Variants in FAT3 observed in about 807,000 individuals in gnomAD.
FAT3 encodes protocadherin Fat 3.
In FAT3, 95 loss-of-function variants were observed where a neutral mutation model predicts 310.2. The observed-to-expected ratio is 0.31, with a 90% CI of 0.26 to 0.36. The LOEUF (loss-of-function observed/expected upper bound fraction) is 0.36, where lower values mean the gene tolerates loss of function less well. Among genes scored for constraint, FAT3 ranks in the 10% least tolerant of loss-of-function variants. FAT3 has a pLI of 1.00. For synonymous variants in FAT3, 2,314 were observed against 2,192.9 expected (o/e 1.06, Z -1.54); for missense variants, 5,408 against 5,715.6 (o/e 0.95, Z 1.74).
chr11:92,640,145 C>T (rs1487298675), intron 3 of FAT3, among the ~76,000 whole-genome samples: 1 of 151,974 alleles, frequency 6.6e-6, no homozygotes, highest in African/African-American at 2.4e-5. Flanking sequence ...GAGGCTACAT[C>T]AGGGTCCTCT....
At chr11:92,719,299 G>A (rs1028774481) in intron 4 of FAT3, among the ~76,000 whole-genome samples, 1 of 152,196 alleles carries the variant, frequency 6.6e-6, no homozygotes, top group South Asian at 2.1e-4. Flanking sequence ...ACTGTAGGAG[G>A]TTCCCTTACC....
intron 2 of FAT3, among the ~76,000 whole-genome samples, chr11:92,393,534 T>G (rs1017015601): frequency 3.3e-5 from 5 of 152,142 alleles, no homozygotes; most frequent in African/African-American, 1.2e-4. Context: ...GCATCATAGA[T>G]CAATGACCGA....
At chr11:92,826,600 T>G (rs558162977) in intron 13 of FAT3, among the ~76,000 whole-genome samples, 94 of 152,340 alleles carry the variant, frequency 6.2e-4, no homozygotes, top group African/African-American at 2.0e-3. Flanking sequence ...GATATGTGAT[T>G]ATGACACCTC....
chr11:92,361,453 A>G (rs1948880886), intron 2 of FAT3, among the ~76,000 whole-genome samples: 1 of 152,060 alleles, frequency 6.6e-6, no homozygotes, highest in East Asian at 1.9e-4. Flanking sequence ...TGAATCACGA[A>G]GATTCCACCC....
chr11:92,644,719 G>T (rs987673541), intron 3 of FAT3, among the ~76,000 whole-genome samples: 1 of 152,192 alleles, frequency 6.6e-6, no homozygotes, highest in Non-Finnish European at 1.5e-5. Flanking sequence ...CTTGTTATGC[G>T]CACTGCTGCC....
chr11:92,478,606 C>T (rs1952111568), intron 2 of FAT3, among the ~76,000 whole-genome samples: 1 of 151,268 alleles, frequency 6.6e-6, no homozygotes, highest in Admixed American at 6.6e-5. Context: ...AAACGATGCA[C>T]TTTCTATCTG....
At chr11:92,232,291 A>G (rs537561015) in intron 1 of FAT3, among the ~76,000 whole-genome samples, 1 of 152,318 alleles carries the variant, frequency 6.6e-6, no homozygotes, top group South Asian at 2.1e-4. Flanking sequence ...TGCTAATAAC[A>G]GTTTCAATCA....
intron 1 of FAT3, among the ~76,000 whole-genome samples, chr11:92,230,541 A>G (rs1415179412): frequency 6.6e-6 from 1 of 152,058 alleles, no homozygotes; most frequent in Non-Finnish European, 1.5e-5. Context: ...TGATCCACCC[A>G]CCTCGGCCTC....
At chr11:92,823,923 T>C (rs1276779112) in intron 13 of FAT3, among the ~76,000 whole-genome samples, 3 of 152,200 alleles carry the variant, frequency 2.0e-5, no homozygotes, top group Non-Finnish European at 4.4e-5. Flanking sequence ...TTTCATATTA[T>C]CCACAGGCAT....
chr11:92,326,239 C>A (rs1252209003), intron 1 of FAT3, among the ~76,000 whole-genome samples: 1 of 152,176 alleles, frequency 6.6e-6, no homozygotes, highest in East Asian at 1.9e-4. Context: ...AGTGAAATGA[C>A]ATGGGGTTGG....
intron 2 of FAT3, among the ~76,000 whole-genome samples, chr11:92,433,765 G>A (rs1591285086): frequency 6.6e-6 from 1 of 151,934 alleles, no homozygotes; most frequent in African/African-American, 2.4e-5. Context: ...AATCTCAGCA[G>A]TTTGGGAGGC....
intron 22 of FAT3, 143 bp from the exon 23 acceptor site, chr11:92,880,588 A>G (rs931009287): frequency 2.0e-5 from 19 of 935,908 alleles, no homozygotes; most frequent in Non-Finnish European, 2.8e-5. Context: ...GTTTCAAGCA[A>G]TCAATTTGCT....
chr11:92,498,273 T>C (rs12798698), intron 2 of FAT3: 4,784 of 228,774 alleles, frequency 0.021, 58 homozygotes, highest in Middle Eastern at 0.041. Flanking sequence ...CAATTCAAAC[T>C]TGGGCTTCTT....
Position 92,800,631 on chromosome 11 carries a change from G to T in FAT3, c.7618G>T (p.Ala2540Ser), listed in dbSNP as rs1337019465. Residue 2540 changes from alanine (A) to serine (S), a missense_variant, in exon 10 of 28, where the codon GCC becomes TCC. This residue lies in a region of FAT3 where 4,588 missense variants were observed against 4,809.8 expected (regional missense o/e 0.95). Transcript: ENST00000525166. The stretch of plus-strand genomic sequence containing the variant: ...CAGCTATGCCATCATCAATGACTTT[G>T]CCAAGGATCGATTCCTCATAGACAG... Reference protein sequence around the residue: ...QISYAIINDFAKDRFLIDSNG... With the variant: ...QISYAIINDFSKDRFLIDSNG... 1 of 1,613,728 alleles carries T rather than the reference G, an allele frequency of 6.2e-7. No homozygotes were observed. Among genetic ancestry groups the T allele is most frequent in the East Asian group, 2.2e-5 (1 of 44,818 alleles).
In FAT3 at chr11:92,792,987, G is replaced by A; in HGVS notation, c.4822+10G>A. 6.2e-7 allele frequency: 1 copy of A among 1,612,466 alleles called. No individual in the cohort carries two copies. Among genetic ancestry groups the A allele is most frequent in the Non-Finnish European group, 8.5e-7 (1 of 1,179,014 alleles). On this transcript the variant is annotated intron_variant, in intron 9 of 27. Coordinates refer to ENST00000525166, the MANE Select transcript of FAT3 (RefSeq NM_001367949.2). ...TATACCATAGAAGCAGGTGAGAGCT[G>A]TTGCACTGCACAGATTTCAGCATAA...
At chr11:92,627,099 A>G (rs1483465298) in intron 3 of FAT3, among the ~76,000 whole-genome samples, 1 of 152,198 alleles carries the variant, frequency 6.6e-6, no homozygotes, top group Non-Finnish European at 1.5e-5. Context: ...TTACTTTTTA[A>G]AGGCCTTCAG....
chr11:92,657,322 C>A (rs1472491100), intron 3 of FAT3, among the ~76,000 whole-genome samples: 2 of 152,178 alleles, frequency 1.3e-5, no homozygotes, highest in African/African-American at 4.8e-5. Flanking sequence ...CAAAGATAAT[C>A]ATGAAAGGGT....
intron 3 of FAT3, among the ~76,000 whole-genome samples, chr11:92,572,475 C>T (rs888789218): frequency 6.6e-6 from 1 of 152,176 alleles, no homozygotes; most frequent in Admixed American, 6.5e-5. Flanking sequence ...GAATGCTGTT[C>T]TCTGTGCAGC....
In FAT3 at chr11:92,762,083, T is replaced by A. The variant is rs373401733; in HGVS notation, c.3897T>A (p.Asn1299Lys). The part of the protein sequence containing the change: ...AEISYSIVDG[N>K]DDGKFFIDPK... Reference sequence around the variant, plus strand: ...TCTCCTACAGTATTGTGGATGGGAATGATGACGGAAAGTTCTTTATTGACC... The same window carrying A: ...TCTCCTACAGTATTGTGGATGGGAAAGATGACGGAAAGTTCTTTATTGACC... Residue 1299 changes from asparagine to lysine, a missense_variant, in exon 5 of 28, where the codon AAT becomes AAA. This residue lies in a region of FAT3 where 4,588 missense variants were observed against 4,809.8 expected (regional missense o/e 0.95). Transcript: ENST00000525166. 1.7e-5 allele frequency: 28 copies of A among 1,614,002 alleles called. No individual in the cohort carries two copies. The highest frequency in any genetic ancestry group is 2.4e-5 in the Non-Finnish European group (28 of 1,179,878).
Sources: gnomAD v4.1 joint callset for allele counts (sites outside exome capture counted in the v4.1 genomes callset) on GRCh38, gnomAD v4.1.1 for gene constraint, gnomAD v4.1.1 regional missense constraint, MANE v1.5 for transcripts, NCBI Gene and HGNC (gene_info 2026-07-23, HGNC 2026-07-21) for gene names.